The following TRIM2 variants were observed in gnomAD, a reference collection of about 807,000 sequenced individuals.
TRIM2 encodes the protein tripartite motif containing 2, also known as tripartite motif-containing protein 2.
Under a neutral mutation model 75.2 loss-of-function variants are expected in TRIM2, and 20 were observed. That is an observed-to-expected ratio of 0.27 (90% confidence interval 0.19 to 0.39). The LOEUF is 0.39. TRIM2 is among the 10% of genes least tolerant of loss of function. The pLI is 1.00. For synonymous variants in TRIM2, 373 were observed against 388.3 expected (o/e 0.96, Z 0.46); for missense variants, 660 against 990.8 (o/e 0.67, Z 4.48).
intron 3 of TRIM2, among the ~76,000 whole-genome samples, chr4:153,292,012 G>C (rs1188804627): frequency 6.6e-6 from 1 of 152,200 alleles, no homozygotes; most frequent in Non-Finnish European, 1.5e-5. Context: ...TTCTTATTTG[G>C]ATAAGTCTCT....
chr4:153,231,745 G>T (rs188353441), intron 1 of TRIM2, among the ~76,000 whole-genome samples: 1 of 152,176 alleles, frequency 6.6e-6, no homozygotes, highest in African/African-American at 2.4e-5. Context: ...TATAAATAGT[G>T]TTCTGTGTCT....
chr4:153,268,502 A>C (rs1460464036), intron 1 of TRIM2, among the ~76,000 whole-genome samples: 2 of 152,190 alleles, frequency 1.3e-5, no homozygotes, highest in African/African-American at 4.8e-5. Context: ...TCACTGCCAT[A>C]ATTTTCTCAG....
chr4:153,184,429 C>T (rs372298764), intron 1 of TRIM2, among the ~76,000 whole-genome samples: 7 of 152,256 alleles, frequency 4.6e-5, no homozygotes, highest in Admixed American at 6.5e-5. Flanking sequence ...CTTATGACCT[C>T]GTTTAACTTA....
intron 1 of TRIM2, among the ~76,000 whole-genome samples, chr4:153,180,670 G>A (rs948259734): frequency 2.0e-5 from 3 of 152,172 alleles, no homozygotes; most frequent in Admixed American, 6.5e-5. Context: ...TAGAGAGGGT[G>A]TTTCGCCATG....
intron 1 of TRIM2, among the ~76,000 whole-genome samples, chr4:153,211,937 T>C (rs1373321289): frequency 6.6e-6 from 1 of 152,158 alleles, no homozygotes; most frequent in Non-Finnish European, 1.5e-5. Flanking sequence ...CCCAAGATGG[T>C]TTGTTACTGC....
At chr4:153,324,044 A>G (rs1381913392) in intron 9 of TRIM2, 34 bp from the exon 10 acceptor site, 22 of 1,557,638 alleles carry the variant, frequency 1.4e-5, no homozygotes, top group Middle Eastern at 1.8e-4. Context: ...CTTTTGTTGT[A>G]GTCATCACAT....
intron 1 of TRIM2, among the ~76,000 whole-genome samples, chr4:153,209,898 C>T (rs1257441595): frequency 6.6e-6 from 1 of 152,116 alleles, no homozygotes; most frequent in Non-Finnish European, 1.5e-5. Flanking sequence ...TATGACTTCT[C>T]TCACTCTTTG....
intron 1 of TRIM2, among the ~76,000 whole-genome samples, chr4:153,246,472 C>T (rs1396725241): frequency 6.6e-6 from 1 of 152,136 alleles, no homozygotes; most frequent in Non-Finnish European, 1.5e-5. Flanking sequence ...TTGTCTGAAG[C>T]TTAATTAACT....
At chr4:153,292,830 C>A in intron 3 of TRIM2, 152 bp from the exon 4 acceptor site, 1 of 797,126 alleles carries the variant, frequency 1.3e-6, no homozygotes, top group Non-Finnish European at 1.9e-6. Context: ...AAAATGTGTC[C>A]TTCCTTTTCT....
At chr4:153,267,526 C>G (rs1410668819) in intron 1 of TRIM2, among the ~76,000 whole-genome samples, 2 of 152,182 alleles carry the variant, frequency 1.3e-5, no homozygotes, top group Non-Finnish European at 1.5e-5. Context: ...GTGGCGGGCC[C>G]CTGTAGTCCC....
At chr4:153,278,525 A>G (rs1244130821) in intron 3 of TRIM2, among the ~76,000 whole-genome samples, 1 of 151,640 alleles carries the variant, frequency 6.6e-6, no homozygotes, top group Non-Finnish European at 1.5e-5. Flanking sequence ...AGGGCCAGAC[A>G]TGGTGGCTCA....
chr4:153,207,040 C>T (rs1299531428), intron 1 of TRIM2, among the ~76,000 whole-genome samples: 4 of 152,140 alleles, frequency 2.6e-5, no homozygotes, highest in South Asian at 2.1e-4. Context: ...CAGGTGCATG[C>T]CCCCATGCCC....
intron 1 of TRIM2, among the ~76,000 whole-genome samples, chr4:153,208,178 G>T (rs936459319): frequency 6.6e-6 from 1 of 152,062 alleles, no homozygotes; most frequent in Non-Finnish European, 1.5e-5. Flanking sequence ...CACACCTGTG[G>T]TCTCAGCTAC....
rs976012451 is a variant in TRIM2 at position 153,248,142 on chromosome 4, C to T, written c.31-22193C>T. Among the ~76,000 whole-genome samples, 1 of 151,978 alleles carries T rather than the reference C, an allele frequency of 6.6e-6. No individual in the cohort carries two copies. Among genetic ancestry groups the T allele is most frequent in the African/African-American group, 2.4e-5 (1 of 41,354 alleles). On this transcript the variant is annotated intron_variant, in intron 1 of 11. Coordinates refer to ENST00000338700, the MANE Select transcript of TRIM2 (RefSeq NM_015271.5). This position sits in a 1 kb window ranked among gnomAD's most constrained non-coding sequence, Gnocchi z 4.0. ...TCCTGAATAGCTGGGATTACAGGCG[C>T]CTGCCACCATGCCCGGCTAATTTTT...
intron 6 of TRIM2, among the ~76,000 whole-genome samples, chr4:153,297,372 A>G (rs1762985062): frequency 6.6e-6 from 1 of 152,126 alleles, no homozygotes; most frequent in Non-Finnish European, 1.5e-5. Context: ...TCAGCCACTT[A>G]CTTGAGCCTT....
At chr4:153,255,427 G>A (rs532678788) in intron 1 of TRIM2, among the ~76,000 whole-genome samples, 1 of 152,182 alleles carries the variant, frequency 6.6e-6, no homozygotes, top group Non-Finnish European at 1.5e-5. Flanking sequence ...GAATGTGCTG[G>A]GGGGCGGGGT....
At chr4:153,200,493 A>G (rs1734221223), upstream of TRIM2, among the ~76,000 whole-genome samples, 1 of 152,118 alleles carries the variant, frequency 6.6e-6, no homozygotes, top group Non-Finnish European at 1.5e-5. Context: ...TGCTATGAAT[A>G]TGGGATGTAC....
At chr4:153,266,784 C>G (rs1331050034) in intron 1 of TRIM2, 1 of 151,654 alleles carries the variant, frequency 6.6e-6, no homozygotes, top group Non-Finnish European at 1.5e-5. Flanking sequence ...GACACCCAGC[C>G]TGTTTTAAAA....
Position 153,272,833 on chromosome 4 carries a change from GTTT to G in TRIM2, c.215+2315_215+2317del, listed in dbSNP as rs1757041003. Among the ~76,000 whole-genome samples the G allele has an allele frequency of 3.9e-5, 3 of 77,020 alleles. No individual in the cohort carries two copies. In the African/African-American group the frequency reaches 7.3e-4, roughly 19 times the overall value. The allele number at this position is 77,020 out of a possible 152,430, so 50.5% of individuals were successfully genotyped here. On this transcript the variant is annotated intron_variant, in intron 2 of 11. Transcript: ENST00000338700. ...AACTTTCCTTAAAATGGGGTTTTTT[GTTT>G]GTTTGTTTGTTTGTTTGTTTTTGAG...
Sources: gnomAD v4.1 joint callset for allele counts (sites outside exome capture counted in the v4.1 genomes callset) on GRCh38, gnomAD v4.1.1 for gene constraint, Gnocchi (gnomAD v3.1) non-coding constraint, MANE v1.5 for transcripts, NCBI Gene and HGNC (gene_info 2026-07-23, HGNC 2026-07-21) for gene names.